Variants in DMD observed in about 807,000 individuals in gnomAD.
DMD encodes the protein mutant dystrophin.
In DMD, 63 loss-of-function variants were observed where a neutral mutation model predicts 330.1. The observed-to-expected ratio is 0.19, with a 90% CI of 0.16 to 0.24. DMD has a LOEUF of 0.24. Ranked by LOEUF, DMD falls within the 10% of genes least tolerant of loss-of-function variation. The pLI is 1.00. For missense variants in DMD, 3,344 were observed against 2,684.1 expected (o/e 1.25, Z -5.43); for synonymous variants, 1,223 against 959.8 (o/e 1.27, Z -5.07).
intron 28 of DMD, 130 bp from the exon 29 acceptor site, chrX:32,438,520 G>A: frequency 1.2e-6 from 1 of 808,009 alleles, no homozygotes; most frequent in Non-Finnish European, 1.8e-6. Context: ...ATTTTAATTG[G>A]GATTAAAAAC....
At chrX:32,553,586 T>C (rs1269542396) in intron 16 of DMD, among the ~76,000 whole-genome samples, 1 of 110,142 alleles carries the variant, frequency 9.1e-6, no homozygotes, top group Non-Finnish European at 1.9e-5. Context: ...TAATATAGTA[T>C]AATAATATTA....
chrX:32,972,061 C>G (rs2092401017), intron 2 of DMD, among the ~76,000 whole-genome samples: 1 of 112,005 alleles, frequency 8.9e-6, no homozygotes, highest in Non-Finnish European at 1.9e-5. Flanking sequence ...GCCTGAATTA[C>G]AGTTTGCTAC....
chrX:33,204,390 C>A (rs761655162), intron 1 of DMD, among the ~76,000 whole-genome samples: 5 of 111,704 alleles, frequency 4.5e-5, no homozygotes, highest in African/African-American at 1.6e-4. Context: ...AAACATTGCT[C>A]CCTCTGACAG....
intron 29 of DMD, among the ~76,000 whole-genome samples, chrX:32,421,200 C>T (rs183029014): frequency 8.9e-6 from 1 of 112,424 alleles, no homozygotes; most frequent in East Asian, 2.8e-4. Flanking sequence ...ATGCTTATGG[C>T]TTCCTGTCAT....
At chrX:32,335,116 A>G (rs2097698978) in intron 41 of DMD, among the ~76,000 whole-genome samples, 1 of 111,295 alleles carries the variant, frequency 9.0e-6, no homozygotes, top group Non-Finnish European at 1.9e-5. Flanking sequence ...AATGTATAAT[A>G]CTATTCAGAT....
At chrX:31,597,831 G>T (rs1250632592) in intron 55 of DMD, among the ~76,000 whole-genome samples, 5 of 111,675 alleles carry the variant, frequency 4.5e-5, no homozygotes, top group Middle Eastern at 4.2e-3. Context: ...AAGATGATCT[G>T]TTAATACCAC....
At chrX:31,163,219 G>A (rs1208648314) in intron 74 of DMD, among the ~76,000 whole-genome samples, 1 of 111,491 alleles carries the variant, frequency 9.0e-6, no homozygotes, top group East Asian at 2.8e-4. Flanking sequence ...GGAACCCAGT[G>A]GGAGGTAACT....
chrX:31,721,718 C>CTATA (rs1226368643), intron 52 of DMD, among the ~76,000 whole-genome samples: 572 of 56,430 alleles, frequency 0.01, 4 homozygotes, highest in Non-Finnish European at 0.015. Context: ...CTCTCTCTCT[C>CTATA]TATATATATA....
chrX:33,021,234 T>TA (rs1170336994), intron 1 of DMD, among the ~76,000 whole-genome samples: 3 of 111,081 alleles, frequency 2.7e-5, no homozygotes, highest in Middle Eastern at 4.7e-3. Flanking sequence ...GAAAAATTAT[T>TA]AAAAAACAGC....
chrX:33,054,034 G>A (rs1026256526), intron 1 of DMD, among the ~76,000 whole-genome samples: 28 of 111,776 alleles, frequency 2.5e-4, no homozygotes, highest in African/African-American at 8.5e-4. Flanking sequence ...TAACAATTGG[G>A]AAAGTGGATT....
intron 65 of DMD, 67 bp from the exon 66 acceptor site, chrX:31,206,734 A>T: frequency 2.2e-6 from 2 of 920,978 alleles, no homozygotes; most frequent in African/African-American, 3.8e-5. Flanking sequence ...ACTTCTAGTT[A>T]AGAATAAAGC....
intron 16 of DMD, among the ~76,000 whole-genome samples, chrX:32,562,555 T>A (rs2051149832): frequency 8.9e-6 from 1 of 112,796 alleles, no homozygotes; most frequent in Non-Finnish European, 1.9e-5. Flanking sequence ...TTATACTAAT[T>A]ATTTAAAAGA....
chrX:31,142,651 T>C (rs922200759), intron 76 of DMD, among the ~76,000 whole-genome samples: 2 of 112,262 alleles, frequency 1.8e-5, no homozygotes, highest in East Asian at 2.8e-4. Flanking sequence ...ATCAATAAAA[T>C]ATAAAATGCT....
chrX:32,838,802 T>C (rs2079887606), intron 4 of DMD, among the ~76,000 whole-genome samples: 1 of 111,997 alleles, frequency 8.9e-6, no homozygotes. Context: ...TATGGAGAAA[T>C]AGGAATGCTT....
chrX:32,822,480 G>C (rs1264092010), intron 5 of DMD, among the ~76,000 whole-genome samples: 2 of 110,088 alleles, frequency 1.8e-5, no homozygotes, highest in Non-Finnish European at 3.8e-5. Context: ...GTATGATTAT[G>C]TATACATATT....
intron 62 of DMD, among the ~76,000 whole-genome samples, chrX:31,304,829 C>G (rs1015735766): frequency 1.8e-5 from 2 of 110,801 alleles, no homozygotes; most frequent in African/African-American, 3.3e-5. Flanking sequence ...TTGATGATTA[C>G]AAAAGTTAAA....
intron 38 of DMD, among the ~76,000 whole-genome samples, chrX:32,346,913 A>C (rs2097765717): frequency 8.9e-6 from 1 of 111,992 alleles, no homozygotes; most frequent in Non-Finnish European, 1.9e-5. Flanking sequence ...CAGAATGTGA[A>C]AACTTTGTAT....
chrX:32,173,945 T>C (rs1032367284), intron 44 of DMD, among the ~76,000 whole-genome samples: 24 of 111,979 alleles, frequency 2.1e-4, no homozygotes, highest in Admixed American at 2.9e-4. Context: ...TTTCAAGGTG[T>C]ATAGAAAATT....
At chrX:31,152,479 TAAGTAA>T (rs2037554602) in intron 74 of DMD, among the ~76,000 whole-genome samples, 1 of 111,696 alleles carries the variant, frequency 9.0e-6, no homozygotes, top group Non-Finnish European at 1.9e-5. Context: ...ATCTTAAATG[TAAGTAA>T]AAATCTTTGT....
Sources: allele counts gnomAD v4.1 joint callset (sites outside exome capture counted in the v4.1 genomes callset), GRCh38; gene constraint gnomAD v4.1.1; transcripts MANE v1.5; gene names NCBI Gene and HGNC (gene_info 2026-07-23, HGNC 2026-07-21).